The following MIS18A variants were observed in gnomAD, a reference collection of about 807,000 sequenced individuals.
MIS18A encodes the protein protein Mis18-alpha.
In MIS18A, 14 loss-of-function variants were observed where a neutral mutation model predicts 25.0. The observed-to-expected ratio is 0.56, with a 90% confidence interval of 0.37 to 0.88. The LOEUF is 0.88. Among genes scored for constraint, MIS18A ranks in the 40% least tolerant of loss-of-function variants. The pLI is 0.00. For synonymous variants in MIS18A, 134 were observed against 118.6 expected, an observed-to-expected ratio of 1.13 and a Z score of -0.84; for missense variants, 292 against 290.8, an observed-to-expected ratio of 1.00 and a Z score of -0.03.
the MIS18A span, among the ~76,000 whole-genome samples, chr21:32,171,445 A>G: frequency 2.0e-4 from 30 of 152,206 alleles, no homozygotes; most frequent in Admixed American, 1.8e-3. Context: ...CAAAACAAGT[A>G]CAGTTATGTT....
chr21:32,174,003 T>G, the MIS18A span, among the ~76,000 whole-genome samples: 1 of 134,400 alleles, frequency 7.4e-6, no homozygotes, highest in Admixed American at 8.4e-5. Flanking sequence ...TCTCACTCTG[T>G]TACCAGGCTG....
chr21:32,251,550 T>C, the MIS18A span, among the ~76,000 whole-genome samples: 2 of 152,168 alleles, frequency 1.3e-5, no homozygotes, highest in Non-Finnish European at 2.9e-5. Context: ...GAAGCTCAGA[T>C]AGGGGTGTGA....
chr21:32,258,327 G>C, the MIS18A span, among the ~76,000 whole-genome samples: 1 of 152,164 alleles, frequency 6.6e-6, no homozygotes, highest in African/African-American at 2.4e-5. Context: ...GCTGTTAGCA[G>C]TCTGATGGGG....
At chr21:32,263,538 T>C (rs1163002481), downstream of MIS18A, among the ~76,000 whole-genome samples, 2 of 152,140 alleles carry the variant, frequency 1.3e-5, no homozygotes. Flanking sequence ...GAGGCAGAGG[T>C]TGCAGTGAGC....
chr21:32,278,568 TA>T, intron 1 of MIS18A, 112 bp downstream of exon 1: 1 of 1,155,534 alleles, frequency 8.7e-7, no homozygotes, highest in Non-Finnish European at 1.2e-6. Context: ...TTTTTGCTCT[TA>T]AAGTCCCTGG....
the MIS18A span, among the ~76,000 whole-genome samples, chr21:32,209,032 C>T: frequency 7.1e-4 from 108 of 152,284 alleles, 1 homozygote; most frequent in African/African-American, 2.5e-3. Context: ...CGCAGTAGCT[C>T]TCTATCTAGA....
the MIS18A span, among the ~76,000 whole-genome samples, chr21:32,185,772 C>T: frequency 1.3e-5 from 2 of 152,076 alleles, no homozygotes; most frequent in African/African-American, 4.8e-5. Flanking sequence ...TCCAATATCA[C>T]CTGAATGTGA....
chr21:32,170,958 C>T, the MIS18A span, among the ~76,000 whole-genome samples: 2 of 151,968 alleles, frequency 1.3e-5, no homozygotes, highest in Non-Finnish European at 2.9e-5. Flanking sequence ...AAACACCCTA[C>T]AAACTAAGAA....
At chr21:32,242,878 C>A in the MIS18A span, among the ~76,000 whole-genome samples, 1 of 152,140 alleles carries the variant, frequency 6.6e-6, no homozygotes, top group Non-Finnish European at 1.5e-5. Flanking sequence ...AGACTCCTAA[C>A]AAGTGAGTGA....
the MIS18A span, among the ~76,000 whole-genome samples, chr21:32,199,193 T>C: frequency 1.3e-5 from 2 of 152,220 alleles, no homozygotes; most frequent in Non-Finnish European, 2.9e-5. Flanking sequence ...TAAAAGCCTA[T>C]ATCTGCGCTT....
At chr21:32,263,051 T>C in the MIS18A span, among the ~76,000 whole-genome samples, 2 of 152,150 alleles carry the variant, frequency 1.3e-5, no homozygotes, top group African/African-American at 4.8e-5. Context: ...ACTAAAAAAA[T>C]TAATGATCAA....
At chr21:32,233,381 C>T in the MIS18A span, among the ~76,000 whole-genome samples, 5 of 152,030 alleles carry the variant, frequency 3.3e-5, no homozygotes, top group Admixed American at 6.5e-5. Context: ...ACCGTGTAAT[C>T]GTAAGAATCT....
intron 2 of MIS18A, among the ~76,000 whole-genome samples, chr21:32,273,966 T>C (rs892991589): frequency 7.2e-5 from 11 of 152,110 alleles, no homozygotes; most frequent in African/African-American, 2.7e-4. Context: ...GTGGCAGGTA[T>C]GGCAAGATAT....
the MIS18A span, among the ~76,000 whole-genome samples, chr21:32,211,407 T>G: frequency 2.8e-4 from 43 of 152,214 alleles, no homozygotes; most frequent in Non-Finnish European, 4.4e-4. Context: ...AAATCATGCC[T>G]CTCTCTTCTT....
At chr21:32,207,866 C>A in the MIS18A span, among the ~76,000 whole-genome samples, 4 of 152,202 alleles carry the variant, frequency 2.6e-5, no homozygotes, top group African/African-American at 9.6e-5. Flanking sequence ...GGGTCTACTT[C>A]ATGGGCAAGG....
the MIS18A span, among the ~76,000 whole-genome samples, chr21:32,220,975 A>G: frequency 2.0e-5 from 3 of 152,130 alleles, no homozygotes; most frequent in Non-Finnish European, 4.4e-5. Context: ...GAAATATGGG[A>G]CTATGTGAAA....
At chr21:32,218,974 A>T in the MIS18A span, among the ~76,000 whole-genome samples, 1 of 151,900 alleles carries the variant, frequency 6.6e-6, no homozygotes, top group Non-Finnish European at 1.5e-5. Context: ...AGGCTGAGGC[A>T]AGAAAATTGC....
the MIS18A span, among the ~76,000 whole-genome samples, chr21:32,176,263 T>C: frequency 6.6e-6 from 1 of 152,246 alleles, no homozygotes; most frequent in African/African-American, 2.4e-5. Flanking sequence ...GCTATACTTT[T>C]ATACAACTGG....
chr21:32,226,856 A>C, the MIS18A span, among the ~76,000 whole-genome samples: 8 of 152,306 alleles, frequency 5.3e-5, no homozygotes, highest in African/African-American at 1.7e-4. Flanking sequence ...AGTTTCAATA[A>C]ATTTAAATTG....
Sources: gnomAD v4.1 joint callset for allele counts (sites outside exome capture counted in the v4.1 genomes callset) on GRCh38, gnomAD v4.1.1 for gene constraint, MANE v1.5 for transcripts, NCBI Gene and HGNC (gene_info 2026-07-23, HGNC 2026-07-21) for gene names.